XRCC4: variants seen among roughly 807,000 people sequenced by gnomAD.
XRCC4 encodes the protein DNA repair protein XRCC4.
A neutral mutation model predicts 39.1 loss-of-function variants in XRCC4; 28 were observed. That is an observed-to-expected ratio of 0.72 (90% CI 0.53 to 0.98). The LOEUF (loss-of-function observed/expected upper bound fraction) is 0.98. Ranked by LOEUF, XRCC4 falls within the 50% of genes least tolerant of loss-of-function variation. XRCC4 has a pLI of 0.00. For missense variants in XRCC4, 350 were observed against 376.4 expected, an observed-to-expected ratio of 0.93 and a Z score of 0.58; for synonymous variants, 123 against 126.4, an observed-to-expected ratio of 0.97 and a Z score of 0.18.
At chr5:83,178,630 A>G (rs565453175) in intron 3 of XRCC4, among the ~76,000 whole-genome samples, 23 of 152,214 alleles carry the variant, frequency 1.5e-4, no homozygotes, top group Non-Finnish European at 3.1e-4. Context: ...TGGAGAATAT[A>G]GAAAGGGGAG....
chr5:83,128,748 G>A (rs184070778), intron 3 of XRCC4, among the ~76,000 whole-genome samples: 86 of 152,234 alleles, frequency 5.6e-4, no homozygotes, highest in Non-Finnish European at 9.6e-4. Flanking sequence ...TTTTTCATGT[G>A]TTTTTGGGCT....
chr5:83,156,608 G>A (rs2112570294), intron 3 of XRCC4, among the ~76,000 whole-genome samples: 1 of 152,200 alleles, frequency 6.6e-6, no homozygotes, highest in South Asian at 2.1e-4. Flanking sequence ...CAAACTGGGT[G>A]TATGGCCTAT....
At chr5:83,233,507 ATTC>A (rs1481837626) in intron 6 of XRCC4, among the ~76,000 whole-genome samples, 1 of 152,162 alleles carries the variant, frequency 6.6e-6, no homozygotes, top group Non-Finnish European at 1.5e-5. Flanking sequence ...GGGGGAACCC[ATTC>A]TTCTCCAGAA....
intron 6 of XRCC4, among the ~76,000 whole-genome samples, chr5:83,223,484 G>GTT (rs145614950): frequency 8.6e-5 from 13 of 151,276 alleles, no homozygotes; most frequent in African/African-American, 2.4e-4. Context: ...GCTTTTTGCA[G>GTT]TTTTTTTGTT....
chr5:83,089,272 A>G (rs1172967847), intron 1 of XRCC4, among the ~76,000 whole-genome samples: 1 of 152,232 alleles, frequency 6.6e-6, no homozygotes, highest in African/African-American at 2.4e-5. Context: ...TTCCATTTCT[A>G]TCAGCCACTA....
At chr5:83,156,734 A>G (rs2112570679) in intron 3 of XRCC4, among the ~76,000 whole-genome samples, 1 of 152,236 alleles carries the variant, frequency 6.6e-6, no homozygotes, top group East Asian at 1.9e-4. Flanking sequence ...AGAATAGTAG[A>G]GAGGGTCTAA....
intron 6 of XRCC4, among the ~76,000 whole-genome samples, chr5:83,223,463 C>A (rs554110071): frequency 1.3e-5 from 2 of 150,190 alleles, no homozygotes; most frequent in South Asian, 2.1e-4. Flanking sequence ...TATATAATTA[C>A]CTCCATTGTT....
At chr5:83,235,350 A>G (rs923839385) in intron 6 of XRCC4, among the ~76,000 whole-genome samples, 8 of 150,834 alleles carry the variant, frequency 5.3e-5, no homozygotes, top group Non-Finnish European at 8.8e-5. Flanking sequence ...AAAAAAAAAA[A>G]AAAGAAAGAA....
At chr5:83,204,488 T>G (rs1446424890) in intron 5 of XRCC4, among the ~76,000 whole-genome samples, 2 of 152,098 alleles carry the variant, frequency 1.3e-5, no homozygotes, top group East Asian at 3.8e-4. Flanking sequence ...CTGAGATTAG[T>G]AAAATGTTAA....
intron 6 of XRCC4, among the ~76,000 whole-genome samples, chr5:83,255,241 CTAGA>C (rs1205432526): frequency 2.0e-5 from 3 of 151,936 alleles, no homozygotes; most frequent in South Asian, 2.1e-4. Context: ...TTATTGAAGG[CTAGA>C]TAGATAATGA....
the XRCC4 span, among the ~76,000 whole-genome samples, chr5:83,360,423 G>GTATATTTCTC: frequency 1.3e-5 from 2 of 152,104 alleles, no homozygotes; most frequent in Non-Finnish European, 2.9e-5. Context: ...GTATAATACA[G>GTATATTTCTC]TATATTTCTC....
At chr5:83,184,183 A>G (rs999751486) in intron 3 of XRCC4, among the ~76,000 whole-genome samples, 10 of 152,270 alleles carry the variant, frequency 6.6e-5, no homozygotes, top group African/African-American at 2.2e-4. Context: ...TAAAATTAAC[A>G]TACTAAAATT....
At chr5:83,181,053 C>CT (rs374001978) in intron 3 of XRCC4, among the ~76,000 whole-genome samples, 8,429 of 139,320 alleles carry the variant, frequency 0.061, 675 homozygotes, top group African/African-American at 0.18. Flanking sequence ...TTTAAACTTT[C>CT]TTTTTTTTTT....
At chr5:83,309,296 A>AATATATATATATATATATATATAT (rs1225850304) in intron 7 of XRCC4, among the ~76,000 whole-genome samples, 17 of 72,222 alleles carry the variant, frequency 2.4e-4, no homozygotes, top group South Asian at 1.8e-3. Flanking sequence ...AAAAAAAAAA[A>AATATATATATATATATATATATAT]ATATATATAT....
chr5:83,362,304 A>AAAAAAC, the XRCC4 span, among the ~76,000 whole-genome samples: 1 of 150,628 alleles, frequency 6.6e-6, no homozygotes, highest in Admixed American at 6.6e-5. Context: ...CAAAAAAAAA[A>AAAAAAC]AAAAAAAAAA....
At position 83,140,190 on chromosome 5, in the gene XRCC4, G is replaced by A. The variant is rs929880751; in HGVS notation, c.315+28987G>A. On this transcript the variant is annotated intron_variant, in intron 3 of 7. Coordinates refer to ENST00000396027, the MANE Select transcript of XRCC4 (RefSeq NM_003401.5). ...ATATGATCACAAGGTGAAGTCCCAC[G>A]ACAGGGCGTCTGCAAGCTGAGGATA... Among the ~76,000 whole-genome samples the A allele has an allele frequency of 3.3e-5, 5 of 152,188 alleles. No individual in the cohort carries two copies. The East Asian group carries it at 5.8e-4, about 18-fold the overall frequency.
At position 83,140,942 on chromosome 5, in the gene XRCC4, A is replaced by G. The variant is rs1308460351; in HGVS notation, c.315+29739A>G. On this transcript the variant is annotated intron_variant, in intron 3 of 7. Coordinates refer to ENST00000396027, the MANE Select transcript of XRCC4 (RefSeq NM_003401.5). ...TCCAGACATTTTACATTACATTTCC[A>G]TCCAACCCTTTTATGTAGCCAAGCT... Among the ~76,000 whole-genome samples, 5 of 152,304 alleles carry G rather than the reference A, an allele frequency of 3.3e-5. No individual in the cohort carries two copies. The East Asian group carries it at 7.7e-4, about 24-fold the overall frequency.
At chr5:83,153,455 A>T (rs1167017840) in intron 3 of XRCC4, among the ~76,000 whole-genome samples, 3 of 152,168 alleles carry the variant, frequency 2.0e-5, no homozygotes, top group African/African-American at 7.2e-5. Context: ...AGAATATATA[A>T]TCATTCTCCA....
intron 1 of XRCC4, among the ~76,000 whole-genome samples, chr5:83,083,186 T>C (rs890585174): frequency 6.6e-6 from 1 of 152,120 alleles, no homozygotes; most frequent in Admixed American, 6.6e-5. Flanking sequence ...ATTCTATATA[T>C]GTATTACATA....
Sources: allele counts gnomAD v4.1 joint callset (sites outside exome capture counted in the v4.1 genomes callset), GRCh38; gene constraint gnomAD v4.1.1; transcripts MANE v1.5; gene names NCBI Gene and HGNC (gene_info 2026-07-23, HGNC 2026-07-21).